Variants in ETV5 observed in about 807,000 individuals in gnomAD.
ETV5 encodes the protein ETS translocation variant 5.
A neutral mutation model predicts 70.0 loss-of-function variants in ETV5; 10 were observed. The observed-to-expected ratio is 0.14, with a 90% CI of 0.09 to 0.24. The LOEUF (loss-of-function observed/expected upper bound fraction) is 0.24. Among genes scored for constraint, ETV5 ranks in the 10% least tolerant of loss-of-function variants. The pLI is 1.00. For missense variants in ETV5, 453 were observed against 651.2 expected, an observed-to-expected ratio of 0.70 and a Z score of 3.31; for synonymous variants, 216 against 242.2, an observed-to-expected ratio of 0.89 and a Z score of 1.01.
intron 12 of ETV5, among the ~76,000 whole-genome samples, chr3:186,049,380 G>A (rs372357170): frequency 3.9e-5 from 6 of 152,190 alleles, no homozygotes; most frequent in African/African-American, 7.2e-5. Context: ...ATGACTCACC[G>A]CATGGCTCTG....
intron 7 of ETV5, among the ~76,000 whole-genome samples, chr3:186,073,319 T>C (rs1410642139): frequency 6.6e-6 from 1 of 152,202 alleles, no homozygotes; most frequent in Admixed American, 6.5e-5. Flanking sequence ...AAAAGTAAAA[T>C]TGTCATAGAA....
At chr3:186,067,472 C>T (rs1043100210) in intron 7 of ETV5, among the ~76,000 whole-genome samples, 3 of 151,908 alleles carry the variant, frequency 2.0e-5, no homozygotes, top group Non-Finnish European at 2.9e-5. Context: ...ATTAGCCAGG[C>T]GTGGTTTTGT....
intron 1 of ETV5, among the ~76,000 whole-genome samples, chr3:186,108,017 C>T (rs1003187840): frequency 6.6e-6 from 1 of 150,888 alleles, no homozygotes; most frequent in African/African-American, 2.4e-5. Flanking sequence ...AAAAAAAAAG[C>T]CGCAGGGAGC....
At chr3:186,092,069 G>A (rs1714194938) in intron 5 of ETV5, among the ~76,000 whole-genome samples, 1 of 152,200 alleles carries the variant, frequency 6.6e-6, no homozygotes, top group Non-Finnish European at 1.5e-5. Flanking sequence ...TTGTTGGTGA[G>A]TGCCATGTTA....
intron 12 of ETV5, 86 bp from the exon 13 acceptor site, chr3:186,048,946 A>T: frequency 8.7e-7 from 1 of 1,143,920 alleles, no homozygotes; most frequent in South Asian, 1.4e-5. Flanking sequence ...TAAGTCACAA[A>T]GCCAGGGACC....
chr3:186,057,473 T>C lies in ETV5; in HGVS notation c.989A>G (p.Asp330Gly), dbSNP rs543262937. 3.3e-5 allele frequency: 54 copies of C among 1,613,976 alleles called. No individual in the cohort carries two copies. The Admixed American group carries it at 8.8e-4, about 26-fold the overall frequency. Residue 330 changes from aspartate to glycine, a missense_variant, in exon 10 of 13, where the codon GAT (aspartate) becomes GGT (glycine). Asp to Gly is a moderately conservative substitution (Grantham distance 94, BLOSUM62 -1). Transcript: ENST00000306376. The surrounding 1 kb of genome is among the most constrained non-coding windows in gnomAD (Gnocchi z 4.9). ...AGTGTCGTCAAAGTATAATCGGGGA[T>C]CTTTTTCATATGAAAAACCTGAAAG... ...SSHEGFSYEK[D>G]PRLYFDDTCV...
chr3:186,102,838 G>A (rs973352861), intron 5 of ETV5, among the ~76,000 whole-genome samples: 1 of 152,064 alleles, frequency 6.6e-6, no homozygotes, highest in Non-Finnish European at 1.5e-5. Context: ...TGTGGAAAGC[G>A]CTCATGGAAA....
chr3:186,105,515 AC>A lies in ETV5; in HGVS notation c.134-20del. ...AATAGCTCTGAAATTGAAAAAGAAG[AC>A]CCCAGAATGAGGATATTTCTTTCGC... On this transcript the variant is annotated intron_variant, in intron 3 of 12. Transcript: ENST00000306376. The surrounding 1 kb of genome is among the most constrained non-coding windows in gnomAD (Gnocchi z 4.5). 6.2e-7 allele frequency: 1 copy of A among 1,613,974 alleles called. No individual in the cohort carries two copies. Among genetic ancestry groups the A allele is most frequent in the Non-Finnish European group, 8.5e-7 (1 of 1,179,902 alleles).
At chr3:186,064,340 G>C (rs1187476063) in intron 9 of ETV5, 77 bp downstream of exon 9, 7 of 1,395,780 alleles carry the variant, frequency 5.0e-6, no homozygotes, top group Non-Finnish European at 7.1e-6. Flanking sequence ...GAAGGTAGGA[G>C]AAAGAAAAGC....
chr3:186,070,153 CT>C, intron 7 of ETV5, among the ~76,000 whole-genome samples: 1 of 152,324 alleles, frequency 6.6e-6, no homozygotes, highest in South Asian at 2.1e-4. Context: ...GTGCCCACAT[CT>C]TGTGCTACTT....
At chr3:186,067,569 G>A (rs183690841) in intron 7 of ETV5, among the ~76,000 whole-genome samples, 2 of 151,462 alleles carry the variant, frequency 1.3e-5, no homozygotes, top group Non-Finnish European at 2.9e-5. Flanking sequence ...CCGAGATTGC[G>A]CCACTGTACT....
intron 5 of ETV5, chr3:186,084,276 A>C (rs772584618): frequency 4.9e-6 from 2 of 404,442 alleles, no homozygotes; most frequent in Non-Finnish European, 9.3e-6. Context: ...GTTTGAAAAG[A>C]AATGCTAAAA....
Position 186,105,949 on chromosome 3 carries a change from T to C in ETV5, c.-74-7A>G, listed in dbSNP as rs778770577. On this transcript the variant is annotated splice_polypyrimidine_tract_variant and splice_region_variant and intron_variant, in intron 1 of 12. Coordinates refer to ENST00000306376, the MANE Select transcript of ETV5 (RefSeq NM_004454.3). This position sits in a 1 kb window ranked among gnomAD's most constrained non-coding sequence, Gnocchi z 4.5. ...TGGGGGAAAAGGGATCCTCCTGTAATATGAATTTGGGAGATTTTAACTAAG... is the reference window on the plus strand; with the variant it reads ...TGGGGGAAAAGGGATCCTCCTGTAACATGAATTTGGGAGATTTTAACTAAG... 1 of 1,557,730 alleles carries C rather than the reference T, an allele frequency of 6.4e-7. No homozygotes were observed. Among genetic ancestry groups the C allele is most frequent in the Non-Finnish European group, 8.7e-7 (1 of 1,143,630 alleles).
At chr3:186,069,676 T>C (rs1024986185) in intron 7 of ETV5, among the ~76,000 whole-genome samples, 4 of 152,102 alleles carry the variant, frequency 2.6e-5, no homozygotes, top group Non-Finnish European at 5.9e-5. Flanking sequence ...CTGCGATTTT[T>C]AGTAGAAACG....
chr3:186,064,510 C>T, intron 8 of ETV5, 34 bp from the exon 9 acceptor site: 1 of 1,608,576 alleles, frequency 6.2e-7, no homozygotes, highest in East Asian at 2.2e-5. Flanking sequence ...ACAATCCTGT[C>T]AATAGTTTCT....
In ETV5 at chr3:186,047,204, A is replaced by G. The variant is rs533643040; in HGVS notation, c.*1435T>C. ...TAACTTTTCCTCTACTTTGAGCTCAACTTTCACATAGCTTTAGCTTGGTTG... is the reference window on the plus strand; with the variant it reads ...TAACTTTTCCTCTACTTTGAGCTCAGCTTTCACATAGCTTTAGCTTGGTTG... On this transcript the variant is annotated 3_prime_UTR_variant, in exon 13 of 13. Coordinates refer to ENST00000306376, the MANE Select transcript of ETV5 (RefSeq NM_004454.3). The G allele has an allele frequency of 8.7e-6, 2 of 228,718 alleles. No individual in the cohort carries two copies. Among genetic ancestry groups the G allele is most frequent in the African/African-American group, 4.4e-5 (2 of 45,228 alleles). 14.2% of individuals were successfully genotyped at this position (228,718 alleles called of 1,614,324 possible). A position where few individuals can be genotyped will look rare whatever the true frequency, so the allele number is the denominator to read the frequency against.
intron 12 of ETV5, among the ~76,000 whole-genome samples, chr3:186,051,690 A>G (rs548578703): frequency 6.6e-6 from 1 of 152,334 alleles, no homozygotes; most frequent in East Asian, 1.9e-4. Flanking sequence ...AGAGACCTTC[A>G]AGTTGATTCC....
intron 7 of ETV5, among the ~76,000 whole-genome samples, chr3:186,074,859 CAAAAA>C (rs747453303): frequency 2.6e-5 from 2 of 76,470 alleles, no homozygotes; most frequent in African/African-American, 4.4e-5. Context: ...ACTCTGTCTC[CAAAAA>C]AAAAAAAAAA....
intron 5 of ETV5, among the ~76,000 whole-genome samples, chr3:186,081,380 C>T (rs1713931648): frequency 6.6e-6 from 1 of 152,190 alleles, no homozygotes; most frequent in African/African-American, 2.4e-5. Context: ...AAAGTATCAT[C>T]ATCTGATACT....
Sources: gnomAD v4.1 joint callset for allele counts (sites outside exome capture counted in the v4.1 genomes callset) on GRCh38, gnomAD v4.1.1 for gene constraint, Gnocchi (gnomAD v3.1) non-coding constraint, MANE v1.5 for transcripts, NCBI Gene and HGNC (gene_info 2026-07-23, HGNC 2026-07-21) for gene names.